Variants in MS4A4A observed in about 807,000 individuals in gnomAD.
The protein encoded by MS4A4A is membrane-spanning 4-domains subfamily A member 4A.
A neutral mutation model predicts 28.0 loss-of-function variants in MS4A4A; 26 were observed. The observed-to-expected ratio is 0.93, with a 90% confidence interval of 0.68 to 1.29. The LOEUF is 1.29. MS4A4A is among the 50% of genes most tolerant of loss of function. The pLI, the probability that MS4A4A is intolerant of heterozygous loss-of-function variation, is 0.00. For synonymous variants in MS4A4A, 86 were observed against 100.8 expected (o/e 0.85, Z 0.88); for missense variants, 290 against 293.1 (o/e 0.99, Z 0.08).
At chr11:60,284,609 A>C (rs1332788651) in intron 1 of MS4A4A, among the ~76,000 whole-genome samples, 1 of 152,118 alleles carries the variant, frequency 6.6e-6, no homozygotes, top group African/African-American at 2.4e-5. Context: ...TTTTGCTCTC[A>C]GTAAGTTAGA....
intron 1 of MS4A4A, chr11:60,282,803 A>G: frequency 8.7e-7 from 1 of 1,145,084 alleles, no homozygotes; most frequent in Non-Finnish European, 1.1e-6. Flanking sequence ...AAAAATTTTA[A>G]CTTTATGCTA....
intron 1 of MS4A4A, among the ~76,000 whole-genome samples, chr11:60,291,946 AG>A (rs1466649095): frequency 6.6e-6 from 1 of 152,166 alleles, no homozygotes; most frequent in Non-Finnish European, 1.5e-5. Flanking sequence ...CTAATTTTAG[AG>A]GTCCAACAGG....
At chr11:60,300,957 A>C in intron 3 of MS4A4A, 44 bp from the exon 4 acceptor site, 1 of 1,438,684 alleles carries the variant, frequency 7.0e-7, no homozygotes, top group Non-Finnish European at 9.6e-7. Context: ...GACTCCCAAT[A>C]CTGGCTTAAA....
chr11:60,300,615 C>CAAAAA (rs760648433), intron 3 of MS4A4A, among the ~76,000 whole-genome samples: 17 of 36,026 alleles, frequency 4.7e-4, no homozygotes, highest in Admixed American at 1.6e-3. Flanking sequence ...GACTCCGTCT[C>CAAAAA]AAAAAAAAAA....
At chr11:60,280,834 G>A (rs751959038) in intron 1 of MS4A4A, 118 bp downstream of exon 1, 33 of 1,227,526 alleles carry the variant, frequency 2.7e-5, no homozygotes, top group Non-Finnish European at 3.6e-5. Flanking sequence ...CATGACCCAA[G>A]CTGGTATTCA....
intron 6 of MS4A4A, among the ~76,000 whole-genome samples, chr11:60,307,806 A>T (rs1167282094): frequency 6.6e-6 from 1 of 152,012 alleles, no homozygotes; most frequent in African/African-American, 2.4e-5. Flanking sequence ...AGAGCCCCAT[A>T]TTTTTCATAA....
intron 4 of MS4A4A, among the ~76,000 whole-genome samples, chr11:60,301,851 C>T (rs1159657267): frequency 6.6e-6 from 1 of 152,190 alleles, no homozygotes; most frequent in Non-Finnish European, 1.5e-5. Flanking sequence ...GTGATCTCGG[C>T]TCACCGCAAC....
At chr11:60,280,860 G>C (rs374023700) in intron 1 of MS4A4A, 144 bp downstream of exon 1, 3 of 905,698 alleles carry the variant, frequency 3.3e-6, no homozygotes, top group Non-Finnish European at 5.1e-6. Context: ...GGGGTGGGTT[G>C]AGTGCACCTT....
intron 2 of MS4A4A, among the ~76,000 whole-genome samples, chr11:60,293,097 A>G (rs2084872239): frequency 6.6e-6 from 1 of 152,130 alleles, no homozygotes; most frequent in Admixed American, 6.5e-5. Context: ...TCGCTCCATC[A>G]TCCAGGCTGG....
intron 3 of MS4A4A, among the ~76,000 whole-genome samples, chr11:60,299,109 C>T (rs1171806262): frequency 1.3e-5 from 2 of 152,200 alleles, no homozygotes; most frequent in African/African-American, 4.8e-5. Flanking sequence ...CACAGACATA[C>T]ATACACACTT....
intron 1 of MS4A4A, among the ~76,000 whole-genome samples, chr11:60,285,328 AC>A (rs2084794659): frequency 6.6e-6 from 1 of 151,934 alleles, no homozygotes; most frequent in Non-Finnish European, 1.5e-5. Flanking sequence ...ACATAGAGAA[AC>A]CCCATCTCTA....
intron 1 of MS4A4A, chr11:60,282,667 T>C (rs1328740457): frequency 7.8e-7 from 1 of 1,284,898 alleles, no homozygotes; most frequent in African/African-American, 1.5e-5. Context: ...AGGAATGAAA[T>C]TACGTCTTTG....
intron 1 of MS4A4A, among the ~76,000 whole-genome samples, chr11:60,288,960 C>T (rs1051366035): frequency 2.0e-5 from 3 of 152,044 alleles, no homozygotes; most frequent in Non-Finnish European, 4.4e-5. Context: ...TTTGGAGGGG[C>T]AGTGTGCACC....
intron 3 of MS4A4A, among the ~76,000 whole-genome samples, chr11:60,300,541 G>A (rs572142485): frequency 1.3e-5 from 2 of 150,476 alleles, no homozygotes; most frequent in East Asian, 3.9e-4. Context: ...GCGTGAACCC[G>A]GGAGGCGGAG....
At chr11:60,282,798 T>A (rs2135006902) in intron 1 of MS4A4A, 1 of 1,170,352 alleles carries the variant, frequency 8.5e-7, no homozygotes, top group African/African-American at 1.6e-5. Context: ...ACATTAAAAA[T>A]TTTAACTTTA....
At position 60,286,259 on chromosome 11, in the gene MS4A4A, A is replaced by G. The variant is rs186131425; in HGVS notation, c.41+5543A>G. 1.2e-4 allele frequency among the ~76,000 whole-genome samples: 19 copies of G among 152,312 alleles called. No homozygotes were observed. The East Asian group carries it at 3.5e-3, about 28-fold the overall frequency. On this transcript the variant is annotated intron_variant, in intron 1 of 6. Coordinates refer to ENST00000337908, the MANE Select transcript of MS4A4A (RefSeq NM_148975.3). ...CATATTGTTCAAACACACATGTTTT[A>G]CAATTTGTGCAGTTAACGCAAGCAT...
At chr11:60,286,253 T>G (rs2084802896) in intron 1 of MS4A4A, among the ~76,000 whole-genome samples, 1 of 152,206 alleles carries the variant, frequency 6.6e-6, no homozygotes, top group Non-Finnish European at 1.5e-5. Context: ...CAAACACACA[T>G]GTTTTACAAT....
At chr11:60,294,814 T>C (rs1332639595) in intron 2 of MS4A4A, among the ~76,000 whole-genome samples, 1 of 152,106 alleles carries the variant, frequency 6.6e-6, no homozygotes, top group Non-Finnish European at 1.5e-5. Flanking sequence ...TCTATTTCTT[T>C]GCTAATACCA....
chr11:60,293,621 G>T (rs1590755235), intron 2 of MS4A4A, among the ~76,000 whole-genome samples: 1 of 152,140 alleles, frequency 6.6e-6, no homozygotes, highest in Non-Finnish European at 1.5e-5. Flanking sequence ...TACCTTTGTA[G>T]TATCACATAG....
Sources: allele counts gnomAD v4.1 joint callset (sites outside exome capture counted in the v4.1 genomes callset), GRCh38; gene constraint gnomAD v4.1.1; transcripts MANE v1.5; gene names NCBI Gene and HGNC (gene_info 2026-07-23, HGNC 2026-07-21).